The following FAM184B variants were observed in gnomAD, a reference collection of about 807,000 sequenced individuals.
FAM184B encodes family with sequence similarity 184 member B.
Under a neutral mutation model 135.9 loss-of-function variants are expected in FAM184B, and 111 were observed. That is an observed-to-expected ratio of 0.82 (90% CI 0.70 to 0.96). FAM184B has a LOEUF of 0.96. Among genes scored for constraint, FAM184B ranks in the 40% least tolerant of loss-of-function variants. FAM184B has a pLI of 0.00. For synonymous variants in FAM184B, 552 were observed against 524.8 expected (o/e 1.05, Z -0.71); for missense variants, 1,375 against 1,323.9 (o/e 1.04, Z -0.60).
intron 6 of FAM184B, 53 bp from the exon 7 acceptor site, chr4:17,688,584 G>T: frequency 7.6e-7 from 1 of 1,313,064 alleles, no homozygotes; most frequent in Non-Finnish European, 1.0e-6. Flanking sequence ...CTACCTCCTC[G>T]ATACAGTCAT....
intron 1 of FAM184B, among the ~76,000 whole-genome samples, chr4:17,753,661 G>A (rs527406923): frequency 6.6e-6 from 1 of 152,314 alleles, no homozygotes; most frequent in East Asian, 1.9e-4. Flanking sequence ...TTTGCTGAGA[G>A]GGCTGTATAT....
chr4:17,730,429 T>A (rs1170126366), intron 1 of FAM184B, among the ~76,000 whole-genome samples: 1 of 152,004 alleles, frequency 6.6e-6, no homozygotes, highest in Admixed American at 6.6e-5. Context: ...ACAAAGATAC[T>A]CCTTGAGAAG....
intron 17 of FAM184B, chr4:17,633,358 C>G (rs1715022013): frequency 1.0e-5 from 2 of 196,202 alleles, no homozygotes; most frequent in Non-Finnish European, 2.0e-5. Context: ...TTCCTTTAGT[C>G]TCACGTCAGT....
chr4:17,693,490 C>A, intron 5 of FAM184B, 78 bp from the exon 6 acceptor site: 1 of 1,134,546 alleles, frequency 8.8e-7, no homozygotes, highest in Non-Finnish European at 1.3e-6. Context: ...TGCCTTATTC[C>A]CAGAGATCAA....
intron 1 of FAM184B, among the ~76,000 whole-genome samples, chr4:17,776,160 G>A (rs73239862): frequency 1.3e-4 from 20 of 152,186 alleles, no homozygotes; most frequent in African/African-American, 4.8e-4. Flanking sequence ...CAGGTGTAAA[G>A]TATTATGAAT....
intron 1 of FAM184B, among the ~76,000 whole-genome samples, chr4:17,765,753 T>A (rs1718659736): frequency 6.6e-6 from 1 of 152,200 alleles, no homozygotes; most frequent in Non-Finnish European, 1.5e-5. Context: ...ACTTGAAGAA[T>A]AAAGCCACGG....
intron 5 of FAM184B, among the ~76,000 whole-genome samples, chr4:17,704,603 G>T (rs1430803081): frequency 6.6e-6 from 1 of 152,222 alleles, no homozygotes; most frequent in African/African-American, 2.4e-5. Context: ...TTGAAGTGTG[G>T]TGATAGAGTG....
intron 6 of FAM184B, among the ~76,000 whole-genome samples, chr4:17,690,962 G>A (rs928030903): frequency 6.6e-6 from 1 of 152,196 alleles, no homozygotes; most frequent in African/African-American, 2.4e-5. Context: ...GTAAGGTGGG[G>A]ACAGATTGTA....
intron 8 of FAM184B, among the ~76,000 whole-genome samples, chr4:17,664,346 A>C (rs1174717217): frequency 6.6e-6 from 1 of 152,196 alleles, no homozygotes; most frequent in Non-Finnish European, 1.5e-5. Flanking sequence ...TAAGCTAAAA[A>C]ATGGCTTCTC....
chr4:17,715,866 A>G (rs1717392337), intron 1 of FAM184B, among the ~76,000 whole-genome samples: 1 of 152,142 alleles, frequency 6.6e-6, no homozygotes. Flanking sequence ...CCTCCTTCTG[A>G]GAGCCGTTAA....
rs1200904865 is a variant in FAM184B, at chr4:17,724,965, A to G, written c.142-15321T>C. On this transcript the variant is annotated intron_variant, in intron 1 of 17. Coordinates refer to ENST00000265018, the MANE Select transcript of FAM184B (RefSeq NM_015688.2). ...GACAGTCTTGCTTAATACTCCATGG[A>G]TGCTCTTCATCCACCCCAGAAGTGG... Among the ~76,000 whole-genome samples, 4 of 151,980 alleles carry G rather than the reference A, an allele frequency of 2.6e-5. No homozygotes were observed. In the East Asian group the frequency reaches 7.7e-4, roughly 29 times the overall value.
intron 1 of FAM184B, among the ~76,000 whole-genome samples, chr4:17,762,868 C>T (rs1718576696): frequency 6.6e-6 from 1 of 152,114 alleles, no homozygotes. Context: ...CATATCCTAC[C>T]AGCAGGGGAT....
chr4:17,765,931 C>G (rs1042492005), intron 1 of FAM184B, among the ~76,000 whole-genome samples: 1 of 152,092 alleles, frequency 6.6e-6, no homozygotes, highest in Non-Finnish European at 1.5e-5. Context: ...GCTCTTAAAG[C>G]AGCACATCTA....
intron 1 of FAM184B, among the ~76,000 whole-genome samples, chr4:17,778,240 T>C (rs1178698176): frequency 6.6e-6 from 1 of 152,190 alleles, no homozygotes; most frequent in East Asian, 1.9e-4. Context: ...AGATTGGCAG[T>C]AGAATTTTTA....
intron 5 of FAM184B, among the ~76,000 whole-genome samples, chr4:17,698,341 AT>A (rs1716911791): frequency 6.6e-6 from 1 of 152,112 alleles, no homozygotes; most frequent in Non-Finnish European, 1.5e-5. Flanking sequence ...ACTCACACTC[AT>A]TTTCTGTTTC....
At chr4:17,736,421 G>A (rs1336106785) in intron 1 of FAM184B, among the ~76,000 whole-genome samples, 1 of 152,154 alleles carries the variant, frequency 6.6e-6, no homozygotes, top group Non-Finnish European at 1.5e-5. Flanking sequence ...GATTCGTAAG[G>A]TTCAGGTTAA....
At chr4:17,657,970 C>T (rs551807092) in intron 10 of FAM184B, among the ~76,000 whole-genome samples, 1 of 152,244 alleles carries the variant, frequency 6.6e-6, no homozygotes, top group East Asian at 1.9e-4. Flanking sequence ...GCTGTTCTTT[C>T]TCAATTCTGT....
intron 1 of FAM184B, among the ~76,000 whole-genome samples, chr4:17,743,047 C>T (rs1296903867): frequency 2.0e-5 from 3 of 152,164 alleles, no homozygotes; most frequent in South Asian, 2.1e-4. Context: ...CTCCAGTTCC[C>T]GCACTTACTG....
chr4:17,766,975 CG>C (rs1476003419), intron 1 of FAM184B, among the ~76,000 whole-genome samples: 2 of 152,188 alleles, frequency 1.3e-5, no homozygotes, highest in African/African-American at 4.8e-5. Context: ...TGAGGCCCAG[CG>C]AGAATTCCAG....
Sources: gnomAD v4.1 joint callset for allele counts (sites outside exome capture counted in the v4.1 genomes callset) on GRCh38, gnomAD v4.1.1 for gene constraint, MANE v1.5 for transcripts, NCBI Gene and HGNC (gene_info 2026-07-23, HGNC 2026-07-21) for gene names.